Variants in APPL2 observed in about 807,000 individuals in gnomAD.
The protein encoded by APPL2 is DCC-interacting protein 13-beta.
In APPL2, 84 loss-of-function variants were observed where a neutral mutation model predicts 92.7. The observed-to-expected ratio is 0.91, with a 90% CI of 0.76 to 1.09. APPL2 has a LOEUF of 1.09. Among genes scored for constraint, APPL2 ranks in the 50% least tolerant of loss-of-function variants. The probability of loss-of-function intolerance (pLI) is 0.00; values close to 1 mark genes in which losing one functional copy is unlikely to be tolerated. For missense variants in APPL2, 736 were observed against 824.5 expected, an observed-to-expected ratio of 0.89 and a Z score of 1.31; for synonymous variants, 291 against 291.0, an observed-to-expected ratio of 1.00 and a Z score of 0.00.
At chr12:105,217,529 G>A in intron 3 of APPL2, 137 bp downstream of exon 3, 1 of 777,680 alleles carries the variant, frequency 1.3e-6, no homozygotes, top group South Asian at 1.8e-5. Flanking sequence ...TACATCAGTG[G>A]AAGGGAAAAG....
chr12:105,175,266 G>A lies in APPL2; in HGVS notation c.1860+769C>T, dbSNP rs530738543. Among the ~76,000 whole-genome samples, 7 of 152,296 alleles carry A rather than the reference G, an allele frequency of 4.6e-5. No homozygotes were observed. In the East Asian group the frequency reaches 1.4e-3, roughly 29 times the overall value. Reference sequence around the variant, plus strand: ...TAAAGACCCTTTATAGAAAAAGTTTGCCAACTTTTGACCAATACCATTAAA... The same window carrying A: ...TAAAGACCCTTTATAGAAAAAGTTTACCAACTTTTGACCAATACCATTAAA... On this transcript the variant is annotated intron_variant, in intron 20 of 20. Coordinates refer to ENST00000258530, the MANE Select transcript of APPL2 (RefSeq NM_018171.5).
intron 17 of APPL2, among the ~76,000 whole-genome samples, chr12:105,187,722 G>A (rs905849074): frequency 1.3e-5 from 2 of 152,110 alleles, no homozygotes; most frequent in African/African-American, 2.4e-5. Flanking sequence ...TAGAAATTTG[G>A]TATGTATTTA....
chr12:105,176,295 T>C, intron 19 of APPL2: 2 of 555,416 alleles, frequency 3.6e-6, no homozygotes, highest in Non-Finnish European at 6.2e-6. Context: ...ACAAAAAATA[T>C]TCCAGGTAAG....
chr12:105,217,772 A>G (rs780003067), intron 2 of APPL2, 47 bp from the exon 3 acceptor site: 8 of 1,573,750 alleles, frequency 5.1e-6, no homozygotes, highest in Non-Finnish European at 4.4e-6. Flanking sequence ...CAATGTATAC[A>G]TAGTCACTGA....
At chr12:105,191,705 A>G (rs1012434913) in intron 14 of APPL2, among the ~76,000 whole-genome samples, 6 of 152,178 alleles carry the variant, frequency 3.9e-5, no homozygotes, top group Non-Finnish European at 7.4e-5. Flanking sequence ...TCTAATGGAC[A>G]CTTCGCAGTC....
chr12:105,193,270 T>G (rs1358563718), intron 14 of APPL2, among the ~76,000 whole-genome samples: 2 of 152,188 alleles, frequency 1.3e-5, no homozygotes, highest in Admixed American at 1.3e-4. Flanking sequence ...TATCACACCT[T>G]CTAATTCCAA....
chr12:105,184,085 C>T (rs952843802), intron 17 of APPL2, among the ~76,000 whole-genome samples: 3 of 152,154 alleles, frequency 2.0e-5, no homozygotes, highest in African/African-American at 7.2e-5. Context: ...ACGAAGTTCT[C>T]GTGCTGTGTT....
chr12:105,179,983 C>A (rs1885956225), intron 17 of APPL2, among the ~76,000 whole-genome samples: 1 of 152,046 alleles, frequency 6.6e-6, no homozygotes, highest in Non-Finnish European at 1.5e-5. Context: ...TTAATTAGAC[C>A]CCATTTGTCA....
At chr12:105,204,378 G>T (rs1050944584) in intron 8 of APPL2, among the ~76,000 whole-genome samples, 1 of 152,128 alleles carries the variant, frequency 6.6e-6, no homozygotes, top group African/African-American at 2.4e-5. Context: ...CACCAAAATC[G>T]ACCTCTGACC....
At chr12:105,208,120 C>CCA (rs1888903142) in intron 6 of APPL2, 38 bp downstream of exon 6, 1 of 1,613,986 alleles carries the variant, frequency 6.2e-7, no homozygotes, top group Non-Finnish European at 8.5e-7. Flanking sequence ...CACAGTAAGC[C>CCA]CACACACCCA....
chr12:105,216,616 C>T (rs1889715756), intron 4 of APPL2, among the ~76,000 whole-genome samples: 1 of 152,166 alleles, frequency 6.6e-6, no homozygotes, highest in Admixed American at 6.5e-5. Flanking sequence ...GATGCTGCCA[C>T]AGCCAAGGAA....
At chr12:105,180,151 A>G (rs902669599) in intron 17 of APPL2, among the ~76,000 whole-genome samples, 4 of 152,100 alleles carry the variant, frequency 2.6e-5, no homozygotes, top group African/African-American at 4.8e-5. Flanking sequence ...ATTTTTGTAT[A>G]AGGTGTTAAG....
At chr12:105,191,489 G>A (rs1887190154) in intron 14 of APPL2, among the ~76,000 whole-genome samples, 1 of 152,218 alleles carries the variant, frequency 6.6e-6, no homozygotes, top group African/African-American at 2.4e-5. Flanking sequence ...AGGGGAGAAA[G>A]TGAGTCTAAG....
chr12:105,180,668 A>T (rs1270495098), intron 17 of APPL2, among the ~76,000 whole-genome samples: 1 of 152,164 alleles, frequency 6.6e-6, no homozygotes, highest in Non-Finnish European at 1.5e-5. Context: ...GTTCTCCTTG[A>T]AGAGGTCCTT....
intron 2 of APPL2, among the ~76,000 whole-genome samples, chr12:105,227,365 G>A (rs1890591460): frequency 6.6e-6 from 1 of 152,108 alleles, no homozygotes; most frequent in Non-Finnish European, 1.5e-5. Flanking sequence ...CCTGTACTCT[G>A]GATCTGAACT....
intron 2 of APPL2, among the ~76,000 whole-genome samples, chr12:105,219,212 T>G (rs931761982): frequency 1.3e-5 from 2 of 152,198 alleles, no homozygotes; most frequent in African/African-American, 2.4e-5. Context: ...CCAGTCCTAT[T>G]TGGCAGAATA....
At chr12:105,195,849 G>A (rs1887594569) in intron 11 of APPL2, among the ~76,000 whole-genome samples, 2 of 152,314 alleles carry the variant, frequency 1.3e-5, no homozygotes, top group African/African-American at 4.8e-5. Context: ...GAGCCCAGGA[G>A]TTCGAGACCA....
At chr12:105,198,064 CT>C in intron 10 of APPL2, 111 bp from the exon 11 acceptor site, 2 of 1,115,858 alleles carry the variant, frequency 1.8e-6, no homozygotes, top group Non-Finnish European at 2.5e-6. Flanking sequence ...TAATGTGTTT[CT>C]TTATATCGTT....
intron 17 of APPL2, among the ~76,000 whole-genome samples, chr12:105,186,616 C>CAT (rs1276864941): frequency 1.1e-4 from 6 of 52,222 alleles, no homozygotes; most frequent in Admixed American, 5.0e-4. Flanking sequence ...ATATATATAT[C>CAT]ATATATATAT....
Sources: gnomAD v4.1 joint callset for allele counts (sites outside exome capture counted in the v4.1 genomes callset) on GRCh38, gnomAD v4.1.1 for gene constraint, MANE v1.5 for transcripts, NCBI Gene and HGNC (gene_info 2026-07-23, HGNC 2026-07-21) for gene names.